The following LIPE variants were observed in gnomAD, a reference collection of about 807,000 sequenced individuals.
The protein encoded by LIPE is lipase E, hormone sensitive type, also known as hormone-sensitive lipase.
In LIPE, 66 loss-of-function variants were observed where a neutral mutation model predicts 88.5. The ratio of observed to expected loss-of-function variants is 0.75; its 90% CI spans 0.61 to 0.91. The LOEUF (loss-of-function observed/expected upper bound fraction) is 0.91, where lower values mean the gene tolerates loss of function less well. Among genes scored for constraint, LIPE ranks in the 40% least tolerant of loss-of-function variants. LIPE has a pLI of 0.00. For synonymous variants in LIPE, 570 were observed against 617.5 expected (o/e 0.92, Z 1.14); for missense variants, 1,346 against 1,434.7 (o/e 0.94, Z 1.00).
In LIPE at chr19:42,405,466, G is replaced by A. The variant is rs370955937; in HGVS notation, c.2461C>T (p.Arg821Cys). 1.1e-4 allele frequency: 174 copies of A among 1,614,062 alleles called. No individual in the cohort carries two copies. Among genetic ancestry groups the A allele is most frequent in the Admixed American group, 3.7e-4 (22 of 60,022 alleles). Reference sequence around the variant, plus strand: ...TTGAGCCATGAGGAGGCACCCAGGCGGAAGTCTCGGAGGAGCAGGGCTGTG... The same window carrying A: ...TTGAGCCATGAGGAGGCACCCAGGCAGAAGTCTCGGAGGAGCAGGGCTGTG... Reference protein sequence around the residue: ...RDTALLLRDFRLGASSWLNSF... With the variant: ...RDTALLLRDFCLGASSWLNSF... Residue 821 changes from arginine (R) to cysteine (C), a missense_variant, in exon 8 of 10, where the codon CGC (arginine) becomes TGC (cysteine). Arg to Cys is a radical substitution (Grantham distance 180). Coordinates refer to ENST00000244289, the MANE Select transcript of LIPE (RefSeq NM_005357.4).
Position 42,414,082 on chromosome 19 carries a change from T to C in LIPE, c.884-3240A>G, listed in dbSNP as rs2040439906. Among the ~76,000 whole-genome samples the C allele has an allele frequency of 6.6e-6, 1 of 151,952 alleles. No individual in the cohort carries two copies. The highest frequency in any genetic ancestry group is 2.1e-4 in the South Asian group (1 of 4,820). ...CCACGAGGTCAGGAGATCGAGACCA[T>C]CCTGGCCAACATGCTGAAACCCCGT... is the stretch of plus-strand genomic sequence containing the variant. On this transcript the variant is annotated intron_variant, in intron 1 of 9. Coordinates refer to ENST00000244289, the MANE Select transcript of LIPE (RefSeq NM_005357.4). The surrounding 1 kb of genome is among the most constrained non-coding windows in gnomAD (Gnocchi z 4.6).
chr19:42,425,328 C>G (rs2040688245), intron 1 of LIPE: 1 of 152,556 alleles, frequency 6.6e-6, no homozygotes, highest in Non-Finnish European at 1.5e-5. Context: ...TTCCTGGTCT[C>G]CTGGTCCCTA....
chr19:42,412,566 C>T (rs35387945), intron 1 of LIPE: 43 of 986,594 alleles, frequency 4.4e-5, no homozygotes, highest in East Asian at 1.1e-4. Flanking sequence ...CTCTGCCCCC[C>T]ACCTGCTCCC....
intron 1 of LIPE, among the ~76,000 whole-genome samples, chr19:42,421,908 T>C (rs1290808122): frequency 6.6e-6 from 1 of 152,214 alleles, no homozygotes; most frequent in African/African-American, 2.4e-5. Flanking sequence ...ATCTTGGAGT[T>C]TGCAGGAATG....
Position 42,407,567 on chromosome 19 carries a change from C to G in LIPE, c.1842+39G>C. 1 of 1,581,422 alleles carries G rather than the reference C, an allele frequency of 6.3e-7. No individual in the cohort carries two copies. The highest frequency in any genetic ancestry group is 8.6e-7 in the Non-Finnish European group (1 of 1,161,544). ...CAAGGTGGGGGCTGCCCACGCTCCT[C>G]GGCTCTGTCCCTGTCCCTGGCTGAG... On this transcript the variant is annotated intron_variant, in intron 5 of 9. Coordinates refer to ENST00000244289, the MANE Select transcript of LIPE (RefSeq NM_005357.4). The surrounding 1 kb of genome is among the most constrained non-coding windows in gnomAD (Gnocchi z 5.8).
intron 8 of LIPE, 85 bp from the exon 9 acceptor site, chr19:42,403,116 G>A (rs532504766): frequency 2.1e-5 from 28 of 1,325,104 alleles, no homozygotes; most frequent in Non-Finnish European, 2.7e-5. Context: ...AAGGGCAGTC[G>A]CCTGTGGAGC....
Position 42,427,002 on chromosome 19 carries a change from T to C in LIPE, c.148A>G (p.Lys50Glu). The C allele has an allele frequency of 1.9e-6, 3 of 1,613,842 alleles. No individual in the cohort carries two copies. The highest frequency in any genetic ancestry group is 2.5e-6 in the Non-Finnish European group (3 of 1,179,956). The change falls in exon 1 of 10, where the codon AAG becomes GAG. Residue 50 changes from lysine (K) to glutamate (E), a missense_variant. Lys to Glu is a moderately conservative substitution (Grantham distance 56). Coordinates refer to ENST00000244289, the MANE Select transcript of LIPE (RefSeq NM_005357.4). ...KTLQGSNTQQ[K>E]PASNQRPLTQ... ...AGGGGTCTTTGGTTTGAAGCAGGCT[T>C]CTGTTGGGTATTGGATCCCTGCAGA...
At chr19:42,423,395 T>G (rs1405324939) in intron 1 of LIPE, 1 of 1,288,786 alleles carries the variant, frequency 7.8e-7, no homozygotes. Context: ...CCTTCCGGGC[T>G]GCTGCCGGTC....
Position 42,410,739 on chromosome 19 carries a change from T to C in LIPE, c.987A>G (p.Glu329=). The change falls in exon 2 of 10, where the codon GAA becomes GAG. Residue 329 remains glutamate (E), a synonymous_variant. Transcript: ENST00000244289. This position sits in a 1 kb window ranked among gnomAD's most constrained non-coding sequence, Gnocchi z 6.1. Reference sequence around the variant, plus strand: ...AAACGCCTGACAGCCGCTGGGCCGTTTCCCCAGGACCCTGGCTCGAGAAGA... The same window carrying C: ...AAACGCCTGACAGCCGCTGGGCCGTCTCCCCAGGACCCTGGCTCGAGAAGA... ...IAFFSSQGPG[E]TAQRLSGVFA... is the part of the protein sequence containing the mutation. 6.2e-7 allele frequency: 1 copy of C among 1,613,932 alleles called. No homozygotes were observed. The highest frequency in any genetic ancestry group is 8.5e-7 in the Non-Finnish European group (1 of 1,179,850).
chr19:42,403,226 G>A (rs1236508006), intron 8 of LIPE, among the ~76,000 whole-genome samples, 195 bp from the exon 9 acceptor site: 1 of 150,166 alleles, frequency 6.7e-6, no homozygotes, highest in Admixed American at 6.7e-5. Context: ...GTGGGGCAGT[G>A]TGTTCTAGTG....
intron 8 of LIPE, 92 bp from the exon 9 acceptor site, chr19:42,403,123 G>T: frequency 7.7e-7 from 1 of 1,291,510 alleles, no homozygotes. Context: ...GTCGCCTGTG[G>T]AGCGCTGTGA....
At position 42,408,541 on chromosome 19, in the gene LIPE, T is replaced by C. The variant is rs914382351; in HGVS notation, c.1420-219A>G. 45 of 546,758 alleles carry C rather than the reference T, an allele frequency of 8.2e-5. No homozygotes were observed. In the Admixed American group the frequency reaches 1.3e-3, roughly 16 times the overall value. 33.9% of individuals were successfully genotyped at this position (546,758 alleles called of 1,614,324 possible). ...ATAAGCAAAGCCACGCGCAGTATCA[T>C]GACAAGGAATGACGAATGGTTTGGA... On this transcript the variant is annotated intron_variant, in intron 2 of 9. Coordinates refer to ENST00000244289, the MANE Select transcript of LIPE (RefSeq NM_005357.4). This position sits in a 1 kb window ranked among gnomAD's most constrained non-coding sequence, Gnocchi z 4.3.
At chr19:42,419,042 G>C (rs945231645) in intron 1 of LIPE, among the ~76,000 whole-genome samples, 4 of 152,204 alleles carry the variant, frequency 2.6e-5, no homozygotes, top group Non-Finnish European at 2.9e-5. Context: ...ACTTTGGGAG[G>C]CTGAGGCCGG....
chr19:42,406,230 G>T lies in LIPE; in HGVS notation c.2296C>A (p.Arg766Ser). 1 of 1,613,836 alleles carries T rather than the reference G, an allele frequency of 6.2e-7. No individual in the cohort carries two copies. The highest frequency in any genetic ancestry group is 8.5e-7 in the Non-Finnish European group (1 of 1,179,866). The change falls in exon 7 of 10, where the codon CGC (arginine) becomes AGC (serine). Residue 766 changes from arginine to serine, a missense_variant. Arg to Ser is a moderately radical substitution (Grantham distance 110). Coordinates refer to ENST00000244289, the MANE Select transcript of LIPE (RefSeq NM_005357.4). This position sits in a 1 kb window ranked among gnomAD's most constrained non-coding sequence, Gnocchi z 5.7. ...AAGGGGTCCATGAGGCTCAGCAGGC[G>T]GGAGGGAGAGGCGGCAGGCTGCAGC... ...TMLQPAASPSRLLSLMDPLLP... is the reference protein window; with the variant it reads ...TMLQPAASPSSLLSLMDPLLP...
rs1462536858 is a variant in LIPE, at chr19:42,410,075, A to C, written c.1419+232T>G. On this transcript the variant is annotated intron_variant, in intron 2 of 9. Transcript: ENST00000244289. The surrounding 1 kb of genome is among the most constrained non-coding windows in gnomAD (Gnocchi z 6.1). The stretch of plus-strand genomic sequence containing the variant: ...AGAGTAGTGGATATCCTGGTGAAAA[A>C]AGCTCTGCAAGTTGCATTTCTTACC... Among the ~76,000 whole-genome samples, 2 of 152,124 alleles carry C rather than the reference A, an allele frequency of 1.3e-5. No individual in the cohort carries two copies. The highest frequency in any genetic ancestry group is 2.9e-5 in the Non-Finnish European group (2 of 68,012).
In LIPE at chr19:42,402,756, C is replaced by T. The variant is rs769067283; in HGVS notation, c.2818G>A (p.Ala940Thr). The change falls in exon 9 of 10, where the codon GCC becomes ACC. Residue 940 changes from alanine (A) to threonine (T), a missense_variant. Ala to Thr is a moderately conservative substitution (Grantham distance 58). Transcript: ENST00000244289. ...CGGGGGTGGAAACCCTCGGGGAAGG[C>T]GGCACGGACGCCCAGGCCTCTGTCC... ...PMDRGLGVRAAFPEGFHPRRS... is the reference protein window; with the variant it reads ...PMDRGLGVRATFPEGFHPRRS... 3.2e-6 allele frequency: 5 copies of T among 1,582,012 alleles called. No individual in the cohort carries two copies. The highest frequency in any genetic ancestry group is 2.3e-5 in the South Asian group (2 of 87,968).
chr19:42,412,448 C>CG (rs1325983598), intron 1 of LIPE: 2 of 985,886 alleles, frequency 2.0e-6, no homozygotes, highest in Admixed American at 1.2e-4. Flanking sequence ...GCAATAAACC[C>CG]GGGGGCGGGG....
At chr19:42,405,695 C>T (rs553416582) in intron 7 of LIPE, 134 bp from the exon 8 acceptor site, 7 of 854,912 alleles carry the variant, frequency 8.2e-6, no homozygotes, top group Admixed American at 2.8e-5. Flanking sequence ...GGAGGCTGGG[C>T]GCAGTGGCTC....
chr19:42,412,429 C>G (rs1232441335), intron 1 of LIPE: 3 of 985,778 alleles, frequency 3.0e-6, no homozygotes, highest in Non-Finnish European at 3.6e-6. Context: ...GTGCCAGTAG[C>G]AGCCTGGGGC....
Sources: allele counts gnomAD v4.1 joint callset (sites outside exome capture counted in the v4.1 genomes callset), GRCh38; gene constraint gnomAD v4.1.1; non-coding constraint Gnocchi (gnomAD v3.1); transcripts MANE v1.5; gene names NCBI Gene and HGNC (gene_info 2026-07-23, HGNC 2026-07-21).